Variants in AK6 observed in about 807,000 individuals in gnomAD.
AK6 encodes adenylate kinase isoenzyme 6.
A neutral mutation model predicts 23.7 loss-of-function variants in AK6; 24 were observed. The observed-to-expected ratio is 1.01, with a 90% confidence interval of 0.73 to 1.43. The LOEUF is 1.43. Among genes scored for constraint, AK6 ranks in the 40% most tolerant of loss-of-function variants. AK6 has a pLI of 0.00. For missense variants in AK6, 191 were observed against 199.1 expected (o/e 0.96, Z 0.24); for synonymous variants, 73 against 69.8 (o/e 1.05, Z -0.23).
intron 2 of AK6, among the ~76,000 whole-genome samples, chr5:69,359,078 C>T (rs890993502): frequency 1.4e-5 from 2 of 148,068 alleles, no homozygotes; most frequent in African/African-American, 5.0e-5. Context: ...CCACCACTAC[C>T]AAAAGAAAAA....
At chr5:69,369,718 C>T, upstream of AK6, 2 of 1,550,904 alleles carry the variant, frequency 1.3e-6, no homozygotes, top group East Asian at 2.4e-5. Context: ...CGGGTCGGTA[C>T]TTCGGGTCAG....
chr5:69,355,128 C>A (rs1580302914), intron 4 of AK6, among the ~76,000 whole-genome samples: 1 of 152,084 alleles, frequency 6.6e-6, no homozygotes, highest in South Asian at 2.1e-4. Flanking sequence ...TGTGCCCGGC[C>A]GACTAAATTG....
chr5:69,363,444 T>G (rs1762295193), intron 2 of AK6, among the ~76,000 whole-genome samples: 1 of 152,146 alleles, frequency 6.6e-6, no homozygotes, highest in South Asian at 2.1e-4. Context: ...TCAAAAATGG[T>G]GGTGTTCAAC....
chr5:69,369,675 T>C, upstream of AK6: 1 of 1,556,084 alleles, frequency 6.4e-7, no homozygotes, highest in Non-Finnish European at 8.7e-7. Flanking sequence ...CGATGACACA[T>C]TTCCGTCGCA....
intron 4 of AK6, among the ~76,000 whole-genome samples, chr5:69,354,181 C>T (rs750147905): frequency 6.6e-6 from 1 of 152,080 alleles, no homozygotes; most frequent in Non-Finnish European, 1.5e-5. Flanking sequence ...ATACCTTAGT[C>T]TTACCCTTGG....
At chr5:69,365,396 C>T in intron 2 of AK6, 2 of 1,614,174 alleles carry the variant, frequency 1.2e-6, no homozygotes, top group Middle Eastern at 1.6e-4. Flanking sequence ...CAGGTGGCAA[C>T]CTAGGACCTG....
At chr5:69,353,905 G>A (rs1053394046) in intron 4 of AK6, among the ~76,000 whole-genome samples, 3 of 151,200 alleles carry the variant, frequency 2.0e-5, no homozygotes, top group Admixed American at 1.3e-4. Context: ...AAGTAGCTGG[G>A]ACCACAGGTG....
intron 2 of AK6, among the ~76,000 whole-genome samples, chr5:69,366,135 C>G (rs892097540): frequency 1.3e-5 from 2 of 152,226 alleles, no homozygotes; most frequent in African/African-American, 4.8e-5. Flanking sequence ...AAAACAGTCT[C>G]TTTCCAGTGA....
intron 4 of AK6, among the ~76,000 whole-genome samples, chr5:69,354,974 C>T (rs1274599607): frequency 2.0e-5 from 3 of 152,080 alleles, no homozygotes; most frequent in Non-Finnish European, 4.4e-5. Flanking sequence ...TGTACAGGTG[C>T]CTGCCACCAT....
intron 2 of AK6, among the ~76,000 whole-genome samples, chr5:69,361,431 CTCTT>C (rs1241926095): frequency 6.6e-6 from 1 of 150,946 alleles, no homozygotes; most frequent in Non-Finnish European, 1.5e-5. Context: ...CACAGTAAGA[CTCTT>C]TAATAGTTTT....
At position 69,352,109 on chromosome 5, in the gene AK6, A is replaced by T. The variant is rs750489211; in HGVS notation, c.471T>A (p.Asp157Glu). ...ACTGCTCAATCCATTTCAAGATCTG[A>T]TCTACATTATTTTCTAGCTCTTCTG... Reference protein sequence around the residue: ...NKPEELENNVDQILKWIEQWI... With the variant: ...NKPEELENNVEQILKWIEQWI... Residue 157 changes from aspartate (D) to glutamate (E), a missense_variant, in exon 5 of 5, where the codon GAT (aspartate) becomes GAA (glutamate). Physicochemically the swap from Asp to Glu is conservative, Grantham distance 45. Transcript: ENST00000380822. 2.2e-5 allele frequency: 35 copies of T among 1,613,274 alleles called. No homozygotes were observed. The highest frequency in any genetic ancestry group is 2.8e-5 in the Non-Finnish European group (33 of 1,179,760).
At position 69,355,955 on chromosome 5, in the gene AK6, T is replaced by A; in HGVS notation, c.122-2A>T. 6.3e-7 allele frequency: 1 copy of A among 1,595,870 alleles called. No individual in the cohort carries two copies. The highest frequency in any genetic ancestry group is 8.5e-7 in the Non-Finnish European group (1 of 1,174,752). On this transcript the variant is annotated splice_acceptor_variant, in intron 2 of 4. Transcript: ENST00000380822. LOFTEE classifies it high-confidence loss of function. ...CATCATAGCCATCATACAATTGCTC[T>A]AAAAGAGATTTAGAATTGCTTGTTG... is the stretch of plus-strand genomic sequence containing the variant.
Position 69,366,039 on chromosome 5 carries a change from T to A in AK6, c.121+464A>T, listed in dbSNP as rs4252230. Among the ~76,000 whole-genome samples, 488 of 152,242 alleles carry A rather than the reference T, an allele frequency of 3.2e-3. 5 individuals are homozygous for A. The highest frequency in any genetic ancestry group is 5.4e-3 in the Non-Finnish European group (365 of 68,026). Reference sequence around the variant, plus strand: ...AACAGGGTAAAATAAATAAAAACAATGATCATCTTAGAATATATGCAGTTG... The same window carrying A: ...AACAGGGTAAAATAAATAAAAACAAAGATCATCTTAGAATATATGCAGTTG... On this transcript the variant is annotated intron_variant, in intron 2 of 4. Coordinates refer to ENST00000380822, the MANE Select transcript of AK6 (RefSeq NM_016283.5).
chr5:69,369,562 C>A, upstream of AK6: 1 of 1,607,520 alleles, frequency 6.2e-7, no homozygotes, highest in Non-Finnish European at 8.5e-7. Flanking sequence ...CCGGAAGGGG[C>A]GGGCGGCAGC....
chr5:69,369,640 C>G, upstream of AK6: 1 of 1,564,112 alleles, frequency 6.4e-7, no homozygotes, highest in Non-Finnish European at 8.7e-7. Flanking sequence ...GCGGCCCAGC[C>G]GCGGCCCACT....
At chr5:69,359,700 T>C (rs1702026836) in intron 2 of AK6, among the ~76,000 whole-genome samples, 2 of 152,230 alleles carry the variant, frequency 1.3e-5, no homozygotes, top group South Asian at 4.1e-4. Context: ...GGGATGCTGG[T>C]TGTTTTGACA....
At chr5:69,352,548 A>T (rs538721099) in intron 4 of AK6, among the ~76,000 whole-genome samples, 166 of 152,248 alleles carry the variant, frequency 1.1e-3, no homozygotes, top group African/African-American at 3.6e-3. Flanking sequence ...CTCATAACTT[A>T]GTAATAAAAA....
intron 2 of AK6, among the ~76,000 whole-genome samples, chr5:69,360,479 C>A (rs1051566599): frequency 4.6e-5 from 7 of 152,128 alleles, no homozygotes. Context: ...TGGGAACTAT[C>A]CAGATGGTTG....
At chr5:69,369,199 G>C (rs528422178) in intron 1 of AK6, 40 of 488,960 alleles carry the variant, frequency 8.2e-5, no homozygotes, top group Admixed American at 4.3e-4. Context: ...TGCCAAGCTG[G>C]AGAGCTGGAT....
Sources: allele counts gnomAD v4.1 joint callset (sites outside exome capture counted in the v4.1 genomes callset), GRCh38; gene constraint gnomAD v4.1.1; transcripts MANE v1.5; gene names NCBI Gene and HGNC (gene_info 2026-07-23, HGNC 2026-07-21).